CLMP: variants seen among roughly 807,000 people sequenced by gnomAD.
CLMP encodes CXADR like cell adhesion molecule.
A neutral mutation model predicts 45.2 loss-of-function variants in CLMP; 27 were observed. The observed-to-expected ratio is 0.60, with a 90% confidence interval of 0.44 to 0.82. The LOEUF is 0.82. Ranked by LOEUF, CLMP falls within the 40% of genes least tolerant of loss-of-function variation. The probability of loss-of-function intolerance (pLI) is 0.00; values close to 1 mark genes in which losing one functional copy is unlikely to be tolerated. For missense variants in CLMP, 403 were observed against 448.4 expected (o/e 0.90, Z 0.91); for synonymous variants, 167 against 171.4 (o/e 0.97, Z 0.20).
intron 1 of CLMP, among the ~76,000 whole-genome samples, chr11:123,130,088 G>A (rs1860963588): frequency 6.6e-6 from 1 of 152,074 alleles, no homozygotes; most frequent in African/African-American, 2.4e-5. Context: ...GAATTGAGTG[G>A]AAACCTCTCT....
chr11:123,081,152 C>CA (rs1865799480), intron 5 of CLMP, among the ~76,000 whole-genome samples: 1 of 140,180 alleles, frequency 7.1e-6, no homozygotes. Context: ...GACTCTGTCT[C>CA]AAAAAAACAA....
intron 1 of CLMP, among the ~76,000 whole-genome samples, chr11:123,118,354 C>T (rs139044498): frequency 0.022 from 3,412 of 152,204 alleles, 134 homozygotes; most frequent in African/African-American, 0.077. Context: ...AGGCTAGTCT[C>T]GAACTCCTGA....
At chr11:123,127,948 A>AATC (rs1041551198) in intron 1 of CLMP, among the ~76,000 whole-genome samples, 7 of 151,006 alleles carry the variant, frequency 4.6e-5, no homozygotes, top group African/African-American at 1.7e-4. Context: ...GAGGCAGGAG[A>AATC]ATCACTTGAA....
At chr11:123,126,564 C>A (rs959040056) in intron 1 of CLMP, among the ~76,000 whole-genome samples, 1 of 152,034 alleles carries the variant, frequency 6.6e-6, no homozygotes, top group Admixed American at 6.6e-5. Flanking sequence ...GGTCTCCTGC[C>A]TTTCTACTCT....
At chr11:123,107,412 G>A (rs1313526264) in intron 1 of CLMP, among the ~76,000 whole-genome samples, 1 of 151,790 alleles carries the variant, frequency 6.6e-6, no homozygotes, top group East Asian at 1.9e-4. Flanking sequence ...CGTATTTTTA[G>A]TAGAGATGGG....
In CLMP at chr11:123,128,325, G is replaced by A. The variant is rs575569164; in HGVS notation, c.29-30373C>T. ...CAAAGTAGGACTACAAGGCGGGCAT[G>A]GTGGCTCAGGCCTGTAATCCTGGCA... is the stretch of plus-strand genomic sequence containing the variant. On this transcript the variant is annotated intron_variant, in intron 1 of 6. Transcript: ENST00000448775. 1.1e-4 allele frequency among the ~76,000 whole-genome samples: 17 copies of A among 152,022 alleles called. 1 individual carries two copies. In the South Asian group the frequency reaches 3.3e-3, roughly 30 times the overall value.
Position 123,112,306 on chromosome 11 carries a change from T to A in CLMP, c.29-14354A>T, listed in dbSNP as rs1403657663. On this transcript the variant is annotated intron_variant, in intron 1 of 6. Transcript: ENST00000448775. ...AGGTCATTTGGTCACTATCTTGCCT[T>A]CAGGCCAATTTCTTTCTTTCTTTTT... 2.6e-5 allele frequency among the ~76,000 whole-genome samples: 4 copies of A among 152,126 alleles called. No individual in the cohort carries two copies. The East Asian group carries it at 7.7e-4, about 29-fold the overall frequency.
intron 1 of CLMP, among the ~76,000 whole-genome samples, chr11:123,192,111 A>C (rs1360804412): frequency 6.6e-6 from 1 of 152,236 alleles, no homozygotes; most frequent in Non-Finnish European, 1.5e-5. Flanking sequence ...GATTATCATA[A>C]ACAAAAGCAT....
At chr11:123,130,815 C>G (rs2135508376) in intron 1 of CLMP, among the ~76,000 whole-genome samples, 1 of 151,930 alleles carries the variant, frequency 6.6e-6, no homozygotes, top group South Asian at 2.1e-4. Context: ...TTTTCCTTCC[C>G]CAAATGGAAT....
chr11:123,124,641 T>C (rs1035399869), intron 1 of CLMP, among the ~76,000 whole-genome samples: 2 of 152,222 alleles, frequency 1.3e-5, no homozygotes, highest in South Asian at 2.1e-4. Flanking sequence ...TAAATACTTA[T>C]TGAACACTTG....
At chr11:123,082,847 T>C (rs1865821661) in intron 5 of CLMP, among the ~76,000 whole-genome samples, 1 of 152,128 alleles carries the variant, frequency 6.6e-6, no homozygotes, top group African/African-American at 2.4e-5. Flanking sequence ...CCTCAACTGA[T>C]CTGCCCACCT....
At chr11:123,154,628 G>T (rs1029772022) in intron 1 of CLMP, among the ~76,000 whole-genome samples, 2 of 152,192 alleles carry the variant, frequency 1.3e-5, no homozygotes, top group Non-Finnish European at 2.9e-5. Context: ...AGGACTAGGG[G>T]ATGATCACTG....
chr11:123,088,655 C>T (rs1865892496), intron 2 of CLMP, among the ~76,000 whole-genome samples: 1 of 152,060 alleles, frequency 6.6e-6, no homozygotes, highest in Non-Finnish European at 1.5e-5. Context: ...GATGGAGTTT[C>T]ACTCTTGTTG....
intron 1 of CLMP, among the ~76,000 whole-genome samples, chr11:123,113,350 A>G (rs993221750): frequency 6.6e-6 from 1 of 152,208 alleles, no homozygotes; most frequent in African/African-American, 2.4e-5. Context: ...GAGACACAAA[A>G]CAGGCACCCA....
At chr11:123,140,436 A>G (rs559092532) in intron 1 of CLMP, among the ~76,000 whole-genome samples, 166 of 152,276 alleles carry the variant, frequency 1.1e-3, no homozygotes, top group Non-Finnish European at 2.2e-3. Flanking sequence ...TTTGTTGCTA[A>G]TGGAGATCAG....
chr11:123,154,992 A>C (rs991195545), intron 1 of CLMP, among the ~76,000 whole-genome samples: 5 of 152,142 alleles, frequency 3.3e-5, no homozygotes, highest in Non-Finnish European at 7.4e-5. Flanking sequence ...TGATACAGAA[A>C]TCGCTTTGTT....
intron 2 of CLMP, among the ~76,000 whole-genome samples, chr11:123,085,967 G>T (rs973702242): frequency 1.3e-4 from 20 of 151,840 alleles, no homozygotes; most frequent in Non-Finnish European, 2.9e-4. Context: ...AGTAGAGCTG[G>T]GGTTTCTCCA....
chr11:123,142,195 G>T (rs1034078949), intron 1 of CLMP, among the ~76,000 whole-genome samples: 1 of 151,956 alleles, frequency 6.6e-6, no homozygotes, highest in African/African-American at 2.4e-5. Context: ...ATGTTGCCCA[G>T]GTTGGTTTCA....
intron 1 of CLMP, among the ~76,000 whole-genome samples, chr11:123,107,835 T>C (rs981227271): frequency 4.6e-5 from 7 of 152,108 alleles, no homozygotes; most frequent in Admixed American, 1.3e-4. Flanking sequence ...TGAAATCAAG[T>C]TGTGGATGGC....
Sources: gnomAD v4.1 joint callset for allele counts (sites outside exome capture counted in the v4.1 genomes callset) on GRCh38, gnomAD v4.1.1 for gene constraint, MANE v1.5 for transcripts, NCBI Gene and HGNC (gene_info 2026-07-23, HGNC 2026-07-21) for gene names.